Variants in TPP2 observed in about 807,000 individuals in gnomAD.
TPP2 encodes tripeptidyl peptidase 2.
TPP2 carries 34 observed loss-of-function variants against 155.9 expected under a neutral mutation model. The observed-to-expected ratio is 0.22, with a 90% CI of 0.17 to 0.29. The LOEUF is 0.29. Ranked by LOEUF, TPP2 falls within the 10% of genes least tolerant of loss-of-function variation. The pLI is 1.00. For missense variants in TPP2, 1,028 were observed against 1,522.3 expected (o/e 0.68, Z 5.40); for synonymous variants, 510 against 529.4 (o/e 0.96, Z 0.50).
intron 24 of TPP2, 113 bp downstream of exon 24, chr13:102,651,510 C>T (rs949473842): frequency 4.5e-6 from 5 of 1,104,334 alleles, no homozygotes; most frequent in Non-Finnish European, 6.5e-6. Context: ...AGTTTCCTTT[C>T]TTTGCATTCT....
intron 25 of TPP2, among the ~76,000 whole-genome samples, chr13:102,661,136 A>C (rs1884185540): frequency 2.0e-5 from 3 of 152,208 alleles, no homozygotes; most frequent in Non-Finnish European, 4.4e-5. Flanking sequence ...GACTTAATCA[A>C]GATTAAAAGC....
In TPP2 at chr13:102,640,346, A is replaced by C; in HGVS notation, c.1990A>C (p.Ile664Leu). The change falls in exon 16 of 30, where the codon ATT (isoleucine) becomes CTT (leucine). Residue 664 changes from isoleucine to leucine, a missense_variant. Around this residue, in one of 7 missense-constraint regions of TPP2, gnomAD observed 325 missense variants for 463.7 expected, o/e 0.70. Transcript: ENST00000376052. Reference sequence around the variant, plus strand: ...ACCTGGTCAAATTCGAAGGCATTTTATTGAGGTTCCTGAGGGTGCAACATG... The same window carrying C: ...ACCTGGTCAAATTCGAAGGCATTTTCTTGAGGTTCCTGAGGGTGCAACATG... ...FKPGQIRRHF[I>L]EVPEGATWAE... 1 of 1,613,686 alleles carries C rather than the reference A, an allele frequency of 6.2e-7. No individual in the cohort carries two copies.
intron 25 of TPP2, among the ~76,000 whole-genome samples, chr13:102,662,408 G>A (rs1176238951): frequency 6.6e-6 from 1 of 151,984 alleles, no homozygotes. Context: ...ATTGTATGGA[G>A]AAAAAATTGA....
At chr13:102,647,780 A>G (rs931392808) in intron 21 of TPP2, among the ~76,000 whole-genome samples, 10 of 152,164 alleles carry the variant, frequency 6.6e-5, no homozygotes, top group African/African-American at 1.4e-4. Flanking sequence ...TAAATTTACT[A>G]CCTCGTTGGA....
intron 27 of TPP2, among the ~76,000 whole-genome samples, chr13:102,665,809 T>A (rs1884557525): frequency 6.6e-6 from 1 of 152,204 alleles, no homozygotes; most frequent in Non-Finnish European, 1.5e-5. Flanking sequence ...ATTTTCTCAG[T>A]TTCAGTCAGT....
Position 102,626,998 on chromosome 13 carries a change from C to A in TPP2, c.785-14C>A. ...TGAGAATGTTTTGTCATTTCCCCAC[C>A]TTTGTGTCTCTAGGAGCTCATGGGA... On this transcript the variant is annotated splice_polypyrimidine_tract_variant and intron_variant, in intron 6 of 29. Coordinates refer to ENST00000376052, the MANE Select transcript of TPP2 (RefSeq NM_001330588.2). The A allele has an allele frequency of 6.6e-7, 1 of 1,513,832 alleles. No homozygotes were observed. Among genetic ancestry groups the A allele is most frequent in the Non-Finnish European group, 8.8e-7 (1 of 1,132,458 alleles). 93.8% of individuals were successfully genotyped at this position (1,513,832 alleles called of 1,614,324 possible).
Position 102,679,001 on chromosome 13 carries a change from A to G in TPP2, c.*685A>G, listed in dbSNP as rs1184966803. The G allele has an allele frequency of 6.6e-6, 1 of 152,594 alleles. No individual in the cohort carries two copies. Among genetic ancestry groups the G allele is most frequent in the Non-Finnish European group, 1.5e-5 (1 of 68,024 alleles). The allele number at this position is 152,594 out of a possible 1,614,324, so 9.5% of individuals were successfully genotyped here. On this transcript the variant is annotated 3_prime_UTR_variant, in exon 30 of 30. Transcript: ENST00000376052. ...ATGAATACATGTGTAAGTGCCAGAC[A>G]GCTGAATCTTTATCAGGTATTGTAA...
intron 24 of TPP2, among the ~76,000 whole-genome samples, chr13:102,652,426 A>G (rs1279077856): frequency 6.1e-5 from 1 of 16,264 alleles, no homozygotes; most frequent in Non-Finnish European, 1.1e-4. Context: ...ATATATATAT[A>G]TATATATATA....
In TPP2 at chr13:102,649,241, G is replaced by A. The variant is rs1883340477; in HGVS notation, c.2873+90G>A. ...TTATGACATCTAGGCTAAATTTAGAGGATGTAGTCATTTTTTTTTTGGCTG... is the reference window on the plus strand; with the variant it reads ...TTATGACATCTAGGCTAAATTTAGAAGATGTAGTCATTTTTTTTTTGGCTG... On this transcript the variant is annotated intron_variant, in intron 22 of 29. Coordinates refer to ENST00000376052, the MANE Select transcript of TPP2 (RefSeq NM_001330588.2). 5 of 1,503,618 alleles carry A rather than the reference G, an allele frequency of 3.3e-6. No homozygotes were observed. In the East Asian group the frequency reaches 6.8e-5, roughly 21 times the overall value. 93.1% of individuals were successfully genotyped at this position (1,503,618 alleles called of 1,614,324 possible).
At chr13:102,601,041 C>T (rs1437580837) in intron 1 of TPP2, among the ~76,000 whole-genome samples, 1 of 152,080 alleles carries the variant, frequency 6.6e-6, no homozygotes, top group Non-Finnish European at 1.5e-5. Context: ...TAAGCATGTG[C>T]CACCATACCC....
chr13:102,615,369 C>T (rs932546536), intron 3 of TPP2, among the ~76,000 whole-genome samples: 4 of 151,968 alleles, frequency 2.6e-5, no homozygotes, highest in Admixed American at 6.6e-5. Flanking sequence ...AGGCTGGTCT[C>T]GAACTCCTGG....
intron 25 of TPP2, among the ~76,000 whole-genome samples, chr13:102,660,231 T>G (rs917791556): frequency 1.5e-4 from 23 of 151,996 alleles, no homozygotes; most frequent in African/African-American, 5.3e-4. Flanking sequence ...TAAATAAATT[T>G]AAATGTTCAT....
chr13:102,618,710 C>G lies in TPP2; in HGVS notation c.496-12C>G, dbSNP rs770769091. 1 of 1,612,332 alleles carries G rather than the reference C, an allele frequency of 6.2e-7. No homozygotes were observed. Among genetic ancestry groups the G allele is most frequent in the Non-Finnish European group, 8.5e-7 (1 of 1,179,244 alleles). ...GAATGTACTAATGTTAATCAGTTTTCCAACTGACTAGGCAAATAAACTAAT... is the reference window on the plus strand; with the variant it reads ...GAATGTACTAATGTTAATCAGTTTTGCAACTGACTAGGCAAATAAACTAAT... On this transcript the variant is annotated splice_polypyrimidine_tract_variant and intron_variant, in intron 4 of 29. Transcript: ENST00000376052.
chr13:102,667,490 A>G (rs1884685398), intron 27 of TPP2, among the ~76,000 whole-genome samples: 1 of 152,226 alleles, frequency 6.6e-6, no homozygotes, highest in African/African-American at 2.4e-5. Context: ...TTATTAAGAG[A>G]TAATGAAATA....
chr13:102,675,385 A>G (rs1425853586), intron 28 of TPP2, among the ~76,000 whole-genome samples: 1 of 152,218 alleles, frequency 6.6e-6, no homozygotes, highest in East Asian at 1.9e-4. Flanking sequence ...TCCTGCCTCT[A>G]CCACTTTTAT....
rs1338347777 is a variant in TPP2 at position 102,635,613 on chromosome 13, A to C, written c.1420A>C (p.Thr474Pro). The C allele has an allele frequency of 6.2e-7, 1 of 1,612,934 alleles. No homozygotes were observed. The highest frequency in any genetic ancestry group is 2.2e-5 in the East Asian group (1 of 44,854). ...SGLKANNIDY[T>P]VHSVRRALEN... ...TCTGAAAGCTAATAACATTGACTAC[A>C]CAGTTCATTCAGTCAGAAGAGCTCT... The change falls in exon 12 of 30, where the codon ACA (threonine) becomes CCA (proline). Residue 474 changes from threonine to proline, a missense_variant. This residue lies in a region of TPP2 where 325 missense variants were observed against 463.7 expected (regional missense o/e 0.70). Transcript: ENST00000376052.
intron 15 of TPP2, among the ~76,000 whole-genome samples, chr13:102,639,877 T>G (rs1882639581): frequency 6.6e-6 from 1 of 152,240 alleles, no homozygotes; most frequent in South Asian, 2.1e-4. Flanking sequence ...AACACAAGTC[T>G]CATAGCTATA....
chr13:102,612,404 A>G (rs894318255), intron 2 of TPP2, among the ~76,000 whole-genome samples: 2 of 152,226 alleles, frequency 1.3e-5, no homozygotes, highest in Admixed American at 1.3e-4. Context: ...AATTAAAAAG[A>G]TTACGTGTAT....
chr13:102,655,324 A>C (rs958053179), intron 24 of TPP2, among the ~76,000 whole-genome samples: 1 of 152,150 alleles, frequency 6.6e-6, no homozygotes, highest in African/African-American at 2.4e-5. Flanking sequence ...TTATTTTTTT[A>C]CTCAACCAGA....
Sources: gnomAD v4.1 joint callset for allele counts (sites outside exome capture counted in the v4.1 genomes callset) on GRCh38, gnomAD v4.1.1 for gene constraint, gnomAD v4.1.1 regional missense constraint, MANE v1.5 for transcripts, NCBI Gene and HGNC (gene_info 2026-07-23, HGNC 2026-07-21) for gene names.